The following NTM variants were observed in gnomAD, a reference collection of about 807,000 sequenced individuals.
NTM encodes the protein IgLON family member 2.
A neutral mutation model predicts 42.1 loss-of-function variants in NTM; 13 were observed. That is an observed-to-expected ratio of 0.31 (90% CI 0.20 to 0.49). The LOEUF (loss-of-function observed/expected upper bound fraction) is 0.49. Among genes scored for constraint, NTM ranks in the 20% least tolerant of loss-of-function variants. The pLI is 0.99. For missense variants in NTM, 373 were observed against 452.8 expected (o/e 0.82, Z 1.60); for synonymous variants, 187 against 179.2 (o/e 1.04, Z -0.35).
At chr11:131,910,836 T>G (rs943850599) in intron 1 of NTM, 2 of 984,774 alleles carry the variant, frequency 2.0e-6, no homozygotes, top group African/African-American at 3.5e-5. Context: ...AGCGCGCATT[T>G]GGGCTCCGAG....
rs1477999755 is a variant in NTM, at chr11:131,769,183, T to A, written c.83-142381T>A. Among the ~76,000 whole-genome samples the A allele has an allele frequency of 2.0e-5, 3 of 152,214 alleles. No homozygotes were observed. In the South Asian group the frequency reaches 6.2e-4, roughly 32 times the overall value. On this transcript the variant is annotated intron_variant, in intron 1 of 8. Coordinates refer to ENST00000683400, the MANE Select transcript of NTM (RefSeq NM_001352005.2). ...CCCTGCACTTACCTCACAGAGATTA[T>A]CTCCTAAGGTTTTCCTAGGTTTAAC...
chr11:131,928,185 A>G (rs538444697), intron 2 of NTM, among the ~76,000 whole-genome samples: 1 of 152,244 alleles, frequency 6.6e-6, no homozygotes, highest in East Asian at 1.9e-4. Context: ...TGCTTACATG[A>G]TAAATGCTTT....
At chr11:131,661,528 T>C (rs1451361074) in intron 1 of NTM, among the ~76,000 whole-genome samples, 2 of 152,348 alleles carry the variant, frequency 1.3e-5, no homozygotes, top group South Asian at 2.1e-4. Flanking sequence ...ATCCAACTAC[T>C]GTCAATGTAT....
At chr11:131,511,231 G>C (rs2048197817) in intron 1 of NTM, among the ~76,000 whole-genome samples, 1 of 152,148 alleles carries the variant, frequency 6.6e-6, no homozygotes, top group Non-Finnish European at 1.5e-5. Context: ...GGTACACACG[G>C]GTTCCTTGGA....
intron 3 of NTM, among the ~76,000 whole-genome samples, chr11:132,202,650 T>G (rs1341586028): frequency 6.6e-6 from 1 of 152,158 alleles, no homozygotes; most frequent in East Asian, 1.9e-4. Flanking sequence ...AAATTCAATT[T>G]TTACCATTAT....
chr11:131,500,582 T>A (rs1159898965), intron 1 of NTM, among the ~76,000 whole-genome samples: 859 of 9,054 alleles, frequency 0.095, 14 homozygotes, highest in East Asian at 0.25. Context: ...TATATATTTT[T>A]TTTTTTTTTT....
chr11:131,929,812 C>T (rs1267406345), intron 2 of NTM, among the ~76,000 whole-genome samples: 52 of 152,164 alleles, frequency 3.4e-4, no homozygotes, highest in Admixed American at 3.4e-3. Context: ...CAGGCCGCTC[C>T]CTGGACTTTC....
chr11:131,915,182 C>T (rs1211664015), intron 2 of NTM, among the ~76,000 whole-genome samples: 1 of 152,230 alleles, frequency 6.6e-6, no homozygotes, highest in Non-Finnish European at 1.5e-5. Context: ...CCTGAAATCA[C>T]ATAAGCAGCC....
chr11:131,892,493 A>G (rs1445001778), intron 1 of NTM, among the ~76,000 whole-genome samples: 4 of 152,186 alleles, frequency 2.6e-5, no homozygotes, highest in African/African-American at 9.6e-5. Context: ...CTGATTTCTA[A>G]TTTAAAAGTA....
At chr11:131,912,768 C>G (rs1783018557) in intron 2 of NTM, among the ~76,000 whole-genome samples, 2 of 152,132 alleles carry the variant, frequency 1.3e-5, no homozygotes, top group South Asian at 4.2e-4. Context: ...GAAAGATAAC[C>G]CTGGTGCTGG....
chr11:131,427,065 C>T (rs1044986480), intron 1 of NTM, among the ~76,000 whole-genome samples: 2 of 151,938 alleles, frequency 1.3e-5, no homozygotes, highest in Non-Finnish European at 2.9e-5. Flanking sequence ...CTTGAATAAA[C>T]GACATATGTA....
chr11:132,305,444 A>T (rs2095043429), intron 4 of NTM, among the ~76,000 whole-genome samples: 1 of 152,208 alleles, frequency 6.6e-6, no homozygotes. Context: ...TTAATTTATA[A>T]ATTACACTGG....
chr11:131,575,922 C>G (rs2512889), intron 1 of NTM, among the ~76,000 whole-genome samples: 82,172 of 152,066 alleles, frequency 0.54, 22,463 homozygotes, highest in South Asian at 0.68. Flanking sequence ...TTAAAAGGAG[C>G]AGAAGTGCAA....
At chr11:131,450,205 C>T (rs1950377849) in intron 1 of NTM, among the ~76,000 whole-genome samples, 1 of 152,204 alleles carries the variant, frequency 6.6e-6, no homozygotes, top group African/African-American at 2.4e-5. Flanking sequence ...CCCACCTTCC[C>T]TCCTTGTATT....
At chr11:131,988,286 C>T (rs1235040784) in intron 2 of NTM, among the ~76,000 whole-genome samples, 1 of 152,172 alleles carries the variant, frequency 6.6e-6, no homozygotes, top group African/African-American at 2.4e-5. Context: ...AGACAAAAAC[C>T]ATTCAGACTG....
rs369327560 is a variant in NTM at position 132,277,973 on chromosome 11, G to A, written c.527-29716G>A. On this transcript the variant is annotated intron_variant, in intron 4 of 8. Transcript: ENST00000683400. ...TTATATAACAGTTTATTGAGAACTC[G>A]AAAAATAATTGGTATTAACGAATCA... is the stretch of plus-strand genomic sequence containing the variant. Among the ~76,000 whole-genome samples, 15 of 152,242 alleles carry A rather than the reference G, an allele frequency of 9.9e-5. No homozygotes were observed. The East Asian group carries it at 2.3e-3, about 24-fold the overall frequency.
At chr11:132,172,067 C>T (rs1341678739) in intron 3 of NTM, among the ~76,000 whole-genome samples, 1 of 152,224 alleles carries the variant, frequency 6.6e-6, no homozygotes, top group Non-Finnish European at 1.5e-5. Flanking sequence ...TTAAATTCCA[C>T]ATAGCAGAAC....
intron 1 of NTM, among the ~76,000 whole-genome samples, chr11:131,490,255 C>T (rs973846335): frequency 6.6e-6 from 1 of 152,136 alleles, no homozygotes; most frequent in Non-Finnish European, 1.5e-5. Context: ...CCAAACAAAC[C>T]ATATCCAGAC....
intron 3 of NTM, among the ~76,000 whole-genome samples, chr11:132,167,871 C>A (rs2075520848): frequency 6.6e-6 from 1 of 152,082 alleles, no homozygotes; most frequent in Non-Finnish European, 1.5e-5. Context: ...GATATCCAGA[C>A]CAGAAAGAAA....
Sources: gnomAD v4.1 joint callset for allele counts (sites outside exome capture counted in the v4.1 genomes callset) on GRCh38, gnomAD v4.1.1 for gene constraint, MANE v1.5 for transcripts, NCBI Gene and HGNC (gene_info 2026-07-23, HGNC 2026-07-21) for gene names.